The following FTO variants were observed in gnomAD, a reference collection of about 807,000 sequenced individuals.
FTO encodes alpha-ketoglutarate-dependent dioxygenase FTO.
A neutral mutation model predicts 63.9 loss-of-function variants in FTO; 47 were observed. The ratio of observed to expected loss-of-function variants is 0.74; its 90% CI spans 0.58 to 0.94. FTO has a LOEUF of 0.94. Among genes scored for constraint, FTO ranks in the 40% least tolerant of loss-of-function variants. FTO has a pLI of 0.00. For synonymous variants in FTO, 207 were observed against 224.4 expected, an observed-to-expected ratio of 0.92 and a Z score of 0.69; for missense variants, 562 against 618.1, an observed-to-expected ratio of 0.91 and a Z score of 0.96.
At chr16:53,943,116 C>T (rs1326858180) in intron 8 of FTO, among the ~76,000 whole-genome samples, 1 of 152,098 alleles carries the variant, frequency 6.6e-6, no homozygotes, top group Admixed American at 6.5e-5. Context: ...GTTTCTGATC[C>T]AGATTACTCC....
chr16:53,904,091 T>C (rs1178789018), intron 7 of FTO, among the ~76,000 whole-genome samples: 1 of 151,984 alleles, frequency 6.6e-6, no homozygotes, highest in Non-Finnish European at 1.5e-5. Context: ...TAGATATATG[T>C]ATATACATAT....
intron 1 of FTO, among the ~76,000 whole-genome samples, chr16:53,715,703 GA>G (rs1169396276): frequency 6.6e-6 from 1 of 152,096 alleles, no homozygotes; most frequent in Non-Finnish European, 1.5e-5. Context: ...CTATCTTCCT[GA>G]ATATTTGGAA....
At chr16:53,749,890 T>C (rs2076742432) in intron 1 of FTO, among the ~76,000 whole-genome samples, 1 of 152,350 alleles carries the variant, frequency 6.6e-6, no homozygotes, top group African/African-American at 2.4e-5. Context: ...TTTCTGCATC[T>C]AATGAGATGA....
At chr16:54,023,973 A>G (rs1282654132) in intron 8 of FTO, among the ~76,000 whole-genome samples, 1 of 152,176 alleles carries the variant, frequency 6.6e-6, no homozygotes, top group Non-Finnish European at 1.5e-5. Context: ...TTTTATAATT[A>G]TGCATTTTAA....
chr16:54,052,577 C>T (rs1371108495), intron 8 of FTO: 1 of 152,194 alleles, frequency 6.6e-6, no homozygotes, highest in African/African-American at 2.4e-5. Flanking sequence ...TCTTAAGTCT[C>T]ATCGTTCTTC....
intron 4 of FTO, among the ~76,000 whole-genome samples, chr16:53,869,232 G>A (rs2080420108): frequency 6.6e-6 from 1 of 151,532 alleles, no homozygotes. Flanking sequence ...CTTCACTTTT[G>A]TATTGCTTGC....
At chr16:53,965,095 A>T (rs8046411) in intron 8 of FTO, among the ~76,000 whole-genome samples, 1 of 151,912 alleles carries the variant, frequency 6.6e-6, no homozygotes, top group South Asian at 2.1e-4. Context: ...TTGTTTTGAG[A>T]TGGAGTCTCC....
At chr16:53,951,084 T>C (rs2082789113) in intron 8 of FTO, among the ~76,000 whole-genome samples, 1 of 152,220 alleles carries the variant, frequency 6.6e-6, no homozygotes. Context: ...TTTTCGTAAG[T>C]AATTAATCTT....
chr16:54,078,002 C>A (rs1298910777), intron 8 of FTO, among the ~76,000 whole-genome samples: 4 of 152,102 alleles, frequency 2.6e-5, no homozygotes, highest in African/African-American at 9.7e-5. Context: ...GCCCCACCCC[C>A]ATCCATGCTG....
intron 7 of FTO, among the ~76,000 whole-genome samples, chr16:53,911,967 A>G (rs2081720777): frequency 6.6e-6 from 1 of 152,266 alleles, no homozygotes; most frequent in Non-Finnish European, 1.5e-5. Context: ...AAGTTGTGGT[A>G]GTATTTGTGG....
chr16:54,059,111 A>G lies in FTO; in HGVS notation c.1365-52651A>G, dbSNP rs115430710. On this transcript the variant is annotated intron_variant, in intron 8 of 8. Transcript: ENST00000471389. The stretch of plus-strand genomic sequence containing the variant: ...ATATGAAAAATCGTAGTTTACACAC[A>G]TTTGCTCAATTCAAGTGTAAAATTG... Among the ~76,000 whole-genome samples the G allele has an allele frequency of 1.5e-3, 230 of 152,310 alleles. 1 individual carries two copies. Among genetic ancestry groups the G allele is most frequent in the African/African-American group, 5.1e-3 (213 of 41,572 alleles).
At chr16:53,793,195 A>G (rs1376398738) in intron 1 of FTO, among the ~76,000 whole-genome samples, 1 of 152,180 alleles carries the variant, frequency 6.6e-6, no homozygotes, top group Non-Finnish European at 1.5e-5. Flanking sequence ...TATGTCTTTG[A>G]TATTAATATA....
At chr16:53,752,709 G>C (rs1361535236) in intron 1 of FTO, among the ~76,000 whole-genome samples, 4 of 152,144 alleles carry the variant, frequency 2.6e-5, no homozygotes, top group African/African-American at 9.7e-5. Context: ...TGGTTCCACT[G>C]TAATTTTAAC....
chr16:53,796,426 G>T (rs575838314), intron 1 of FTO, among the ~76,000 whole-genome samples: 1 of 152,114 alleles, frequency 6.6e-6, no homozygotes, highest in African/African-American at 2.4e-5. Flanking sequence ...TAAGTTATTG[G>T]TTTAAATACT....
intron 1 of FTO, among the ~76,000 whole-genome samples, chr16:53,802,820 T>C (rs892156184): frequency 1.3e-5 from 2 of 152,240 alleles, no homozygotes; most frequent in Admixed American, 1.3e-4. Context: ...CTATTATAAC[T>C]AATTTGTGTT....
intron 8 of FTO, among the ~76,000 whole-genome samples, chr16:54,007,099 A>G (rs2084224938): frequency 6.6e-6 from 1 of 152,216 alleles, no homozygotes; most frequent in African/African-American, 2.4e-5. Context: ...AATAGGATGC[A>G]TTTCATACTA....
intron 1 of FTO, among the ~76,000 whole-genome samples, chr16:53,732,945 T>C (rs1433011080): frequency 6.6e-6 from 1 of 152,226 alleles, no homozygotes; most frequent in East Asian, 1.9e-4. Flanking sequence ...ATGTGAGACA[T>C]GTGAAGCCAC....
chr16:53,951,168 T>C (rs920710048), intron 8 of FTO, among the ~76,000 whole-genome samples: 7 of 152,318 alleles, frequency 4.6e-5, no homozygotes, highest in African/African-American at 1.7e-4. Context: ...TCTGCAGAGA[T>C]TGGATAAGAC....
chr16:54,078,654 T>C (rs59491240), intron 8 of FTO, among the ~76,000 whole-genome samples: 3 of 151,998 alleles, frequency 2.0e-5, no homozygotes, highest in Admixed American at 2.0e-4. Context: ...TCTTTCTGCA[T>C]CTGAACAGTA....
Sources: gnomAD v4.1 joint callset for allele counts (sites outside exome capture counted in the v4.1 genomes callset) on GRCh38, gnomAD v4.1.1 for gene constraint, MANE v1.5 for transcripts, NCBI Gene and HGNC (gene_info 2026-07-23, HGNC 2026-07-21) for gene names.